Variants in NDFIP1 observed in about 807,000 individuals in gnomAD.
NDFIP1 encodes Nedd4 family interacting protein 1, also known as NEDD4 family-interacting protein 1.
In NDFIP1, 7 loss-of-function variants were observed where a neutral mutation model predicts 28.8. The observed-to-expected ratio is 0.24, with a 90% CI of 0.14 to 0.46. NDFIP1 has a LOEUF of 0.46. Ranked by LOEUF, NDFIP1 falls within the 20% of genes least tolerant of loss-of-function variation. The pLI is 0.99. For synonymous variants in NDFIP1, 92 were observed against 101.0 expected (o/e 0.91, Z 0.53); for missense variants, 194 against 269.1 (o/e 0.72, Z 1.95).
At chr5:142,124,672 T>A (rs887690064) in intron 1 of NDFIP1, among the ~76,000 whole-genome samples, 2 of 152,242 alleles carry the variant, frequency 1.3e-5, no homozygotes, top group Non-Finnish European at 2.9e-5. Context: ...TAGTTTTTCC[T>A]TTGGCAAATT....
intron 1 of NDFIP1, among the ~76,000 whole-genome samples, chr5:142,109,275 CG>C (rs1756986640): frequency 6.6e-6 from 1 of 152,208 alleles, no homozygotes; most frequent in South Asian, 2.1e-4. Context: ...CTCCCGGCCT[CG>C]TTTCCCGCAT....
At chr5:142,117,462 C>T (rs926297042) in intron 1 of NDFIP1, among the ~76,000 whole-genome samples, 4 of 151,560 alleles carry the variant, frequency 2.6e-5, no homozygotes, top group Non-Finnish European at 5.9e-5. Context: ...AAGATGGTCT[C>T]GATCTCTTGA....
In NDFIP1 at chr5:142,145,901, G is replaced by A. The variant is rs1402690400; in HGVS notation, c.*2+1225G>A. 3.9e-5 allele frequency among the ~76,000 whole-genome samples: 6 copies of A among 152,124 alleles called. No individual in the cohort carries two copies. The East Asian group carries it at 5.8e-4, about 15-fold the overall frequency. The stretch of plus-strand genomic sequence containing the variant: ...TTATATAGGCAATCATATACTAATC[G>A]TGAGGTTCTCAATTTTGAAGACTTG... On this transcript the variant is annotated intron_variant, in intron 7 of 7. Transcript: ENST00000253814.
intron 1 of NDFIP1, among the ~76,000 whole-genome samples, chr5:142,114,665 A>G (rs1489034693): frequency 6.6e-6 from 1 of 152,228 alleles, no homozygotes; most frequent in African/African-American, 2.4e-5. Context: ...AAATGGTATG[A>G]TATTTCAAGA....
chr5:142,140,982 G>A (rs1757323234), intron 6 of NDFIP1, among the ~76,000 whole-genome samples: 2 of 152,028 alleles, frequency 1.3e-5, no homozygotes, highest in South Asian at 2.1e-4. Context: ...TTGCTTATAC[G>A]CTTACTGCAG....
chr5:142,136,312 A>G (rs187368384), intron 4 of NDFIP1, among the ~76,000 whole-genome samples: 112 of 152,332 alleles, frequency 7.4e-4, no homozygotes, highest in African/African-American at 2.4e-3. Flanking sequence ...AGAAAATGCA[A>G]TGCTTTTAGA....
intron 1 of NDFIP1, among the ~76,000 whole-genome samples, chr5:142,126,750 T>C (rs1287215686): frequency 6.6e-6 from 1 of 152,190 alleles, no homozygotes; most frequent in Non-Finnish European, 1.5e-5. Context: ...CTGCTATTGC[T>C]TAAAAACAAC....
At chr5:142,137,302 C>A (rs1254271040) in intron 4 of NDFIP1, among the ~76,000 whole-genome samples, 1 of 152,064 alleles carries the variant, frequency 6.6e-6, no homozygotes, top group African/African-American at 2.4e-5. Flanking sequence ...CTGGGACTTG[C>A]AGGTGTGCAC....
intron 1 of NDFIP1, among the ~76,000 whole-genome samples, chr5:142,129,421 C>G (rs1294074662): frequency 6.6e-6 from 1 of 152,134 alleles, no homozygotes; most frequent in African/African-American, 2.4e-5. Context: ...GAAAAATTAT[C>G]TTAGGTTATA....
chr5:142,109,086 C>T (rs1012703119), intron 1 of NDFIP1, 49 bp downstream of exon 1: 1 of 1,304,972 alleles, frequency 7.7e-7, no homozygotes, highest in Non-Finnish European at 9.8e-7. Context: ...TGGCTCTGCC[C>T]TGCCCGCTGG....
intron 1 of NDFIP1, among the ~76,000 whole-genome samples, chr5:142,125,845 G>A (rs79538463): frequency 0.017 from 2,535 of 152,168 alleles, 51 homozygotes; most frequent in African/African-American, 0.05. Flanking sequence ...TTTGATTTGC[G>A]TTTTCCTGCT....
chr5:142,138,501 G>A (rs757663483), intron 5 of NDFIP1, among the ~76,000 whole-genome samples: 48 of 152,260 alleles, frequency 3.2e-4, no homozygotes, highest in Admixed American at 2.8e-3. Flanking sequence ...TATTGCTATC[G>A]TCAACCTTAT....
chr5:142,127,453 C>T (rs954044206), intron 1 of NDFIP1, among the ~76,000 whole-genome samples: 1 of 152,076 alleles, frequency 6.6e-6, no homozygotes, highest in African/African-American at 2.4e-5. Context: ...GTCTGCTCAG[C>T]ACATAGAAGG....
rs1171612382 is a variant in NDFIP1 at position 142,154,253 on chromosome 5, G to C, written c.*2525G>C. 1 of 152,286 alleles carries C rather than the reference G, an allele frequency of 6.6e-6. No homozygotes were observed. The highest frequency in any genetic ancestry group is 2.4e-5 in the African/African-American group (1 of 41,426). The allele number at this position is 152,286 out of a possible 1,614,324, so 9.4% of individuals were successfully genotyped here. A position where few individuals can be genotyped will look rare whatever the true frequency, so the allele number is the denominator to read the frequency against. On this transcript the variant is annotated 3_prime_UTR_variant, in exon 8 of 8. Coordinates refer to ENST00000253814, the MANE Select transcript of NDFIP1 (RefSeq NM_030571.4). ...TATGGAGTAAACTAGCTTGGACCTT[G>C]GGCTGCAGGACGACTAGGATTCACC... is the stretch of plus-strand genomic sequence containing the variant.
chr5:142,141,044 A>C (rs759441292), intron 6 of NDFIP1, among the ~76,000 whole-genome samples: 52 of 152,186 alleles, frequency 3.4e-4, no homozygotes, highest in Non-Finnish European at 6.8e-4. Flanking sequence ...TGGGTCTGTC[A>C]GTAGAAAACA....
At chr5:142,130,855 C>T (rs756780813) in intron 1 of NDFIP1, among the ~76,000 whole-genome samples, 4 of 152,108 alleles carry the variant, frequency 2.6e-5, no homozygotes, top group Non-Finnish European at 5.9e-5. Flanking sequence ...CATTATATGT[C>T]TGCCTTTTTA....
At chr5:142,115,387 G>A (rs765412713) in intron 1 of NDFIP1, among the ~76,000 whole-genome samples, 15 of 152,008 alleles carry the variant, frequency 9.9e-5, no homozygotes, top group Non-Finnish European at 2.1e-4. Context: ...AGGTTCAAGC[G>A]ATTCTCCTGC....
chr5:142,146,377 A>G (rs1158279078), intron 7 of NDFIP1, among the ~76,000 whole-genome samples: 2 of 152,192 alleles, frequency 1.3e-5, no homozygotes, highest in Non-Finnish European at 2.9e-5. Flanking sequence ...AGAACATAAG[A>G]GACTTATTAG....
intron 3 of NDFIP1, 120 bp from the exon 4 acceptor site, chr5:142,135,610 T>G: frequency 1.4e-6 from 1 of 730,032 alleles, no homozygotes; most frequent in Non-Finnish European, 2.3e-6. Flanking sequence ...GAGCCTTTAA[T>G]GCTCATAATT....
Sources: gnomAD v4.1 joint callset for allele counts (sites outside exome capture counted in the v4.1 genomes callset) on GRCh38, gnomAD v4.1.1 for gene constraint, MANE v1.5 for transcripts, NCBI Gene and HGNC (gene_info 2026-07-23, HGNC 2026-07-21) for gene names.